WDPCP: variants seen among roughly 807,000 people sequenced by gnomAD.
WDPCP encodes the protein WD repeat-containing and planar cell polarity effector protein fritz homolog.
WDPCP carries 71 observed loss-of-function variants against 93.1 expected under a neutral mutation model. That is an observed-to-expected ratio of 0.76 (90% CI 0.63 to 0.93). The LOEUF (loss-of-function observed/expected upper bound fraction) is 0.93. Among genes scored for constraint, WDPCP ranks in the 40% least tolerant of loss-of-function variants. WDPCP has a pLI of 0.00. For synonymous variants in WDPCP, 315 were observed against 315.0 expected (o/e 1.00, Z 0.00); for missense variants, 844 against 887.4 (o/e 0.95, Z 0.62).
intron 3 of WDPCP, among the ~76,000 whole-genome samples, chr2:63,623,593 A>G (rs1709774299): frequency 6.6e-6 from 1 of 152,216 alleles, no homozygotes; most frequent in Non-Finnish European, 1.5e-5. Flanking sequence ...ACAAAGAAGA[A>G]CATTACATTA....
intron 3 of WDPCP, among the ~76,000 whole-genome samples, chr2:63,637,053 A>G (rs975289596): frequency 1.3e-5 from 2 of 152,158 alleles, no homozygotes; most frequent in Non-Finnish European, 2.9e-5. Context: ...CAGTAAAAGC[A>G]AAAACAAACA....
chr2:63,469,241 G>A (rs1417081535), intron 6 of WDPCP, among the ~76,000 whole-genome samples: 1 of 152,242 alleles, frequency 6.6e-6, no homozygotes, highest in Non-Finnish European at 1.5e-5. Context: ...CTTATACACT[G>A]TTGGTGGGGG....
chr2:63,597,462 G>A, intron 3 of WDPCP: 1 of 1,508,206 alleles, frequency 6.6e-7, no homozygotes, highest in Non-Finnish European at 8.9e-7. Flanking sequence ...ATTCTTGTGG[G>A]CTCCATGCCA....
At chr2:63,239,756 T>C (rs1025243288) in intron 14 of WDPCP, among the ~76,000 whole-genome samples, 1 of 152,150 alleles carries the variant, frequency 6.6e-6, no homozygotes, top group African/African-American at 2.4e-5. Flanking sequence ...TTGGGCACTT[T>C]AATGTTATGC....
intron 13 of WDPCP, among the ~76,000 whole-genome samples, chr2:63,313,028 A>C (rs1313232453): frequency 3.3e-5 from 5 of 152,150 alleles, no homozygotes; most frequent in Non-Finnish European, 5.9e-5. Context: ...GAAAACACAA[A>C]AGATCCATTG....
At chr2:63,545,082 G>C (rs1040875453) in intron 1 of WDPCP, among the ~76,000 whole-genome samples, 10 of 152,002 alleles carry the variant, frequency 6.6e-5, no homozygotes, top group African/African-American at 1.9e-4. Context: ...CCTTTCCAAA[G>C]ACTTTATGAT....
At chr2:63,576,483 G>C (rs746078154) in intron 1 of WDPCP, among the ~76,000 whole-genome samples, 1 of 152,358 alleles carries the variant, frequency 6.6e-6, no homozygotes, top group Non-Finnish European at 1.5e-5. Flanking sequence ...AAGGGGCACA[G>C]AGTGCCATGT....
intron 9 of WDPCP, among the ~76,000 whole-genome samples, chr2:63,424,360 A>G (rs1199069464): frequency 1.3e-5 from 2 of 152,074 alleles, no homozygotes; most frequent in Non-Finnish European, 2.9e-5. Context: ...CTATCCCCCA[A>G]CTGACCACTG....
intron 3 of WDPCP, among the ~76,000 whole-genome samples, chr2:63,626,782 T>C (rs1709815058): frequency 1.3e-5 from 2 of 151,968 alleles, no homozygotes; most frequent in Non-Finnish European, 2.9e-5. Context: ...TCCTCAAGGA[T>C]CTAGAACCAG....
chr2:63,809,470 G>A (rs1286627183), intron 2 of WDPCP, among the ~76,000 whole-genome samples: 1 of 152,228 alleles, frequency 6.6e-6, no homozygotes, highest in African/African-American at 2.4e-5. Context: ...GGAATACAAA[G>A]GGGGGAAAGG....
intron 3 of WDPCP, among the ~76,000 whole-genome samples, chr2:63,610,924 G>A (rs530275481): frequency 5.3e-5 from 8 of 152,052 alleles, no homozygotes; most frequent in East Asian, 1.9e-4. Context: ...GCAAGACCCC[G>A]TCTTACAAAA....
intron 1 of WDPCP, among the ~76,000 whole-genome samples, chr2:63,552,488 C>T (rs745641835): frequency 1.3e-5 from 2 of 152,128 alleles, no homozygotes; most frequent in Non-Finnish European, 2.9e-5. Flanking sequence ...TAGACACTGT[C>T]AGGAAGATTA....
At chr2:63,838,176 A>G in the WDPCP span, among the ~76,000 whole-genome samples, 2 of 152,198 alleles carry the variant, frequency 1.3e-5, no homozygotes, top group African/African-American at 4.8e-5. Flanking sequence ...GTCATTCAAT[A>G]TATACTTATG....
chr2:63,563,853 G>A (rs1706823444), intron 1 of WDPCP, among the ~76,000 whole-genome samples: 1 of 152,160 alleles, frequency 6.6e-6, no homozygotes, highest in Non-Finnish European at 1.5e-5. Context: ...CTCCAGAACT[G>A]TAAGAGATAA....
intron 1 of WDPCP, among the ~76,000 whole-genome samples, chr2:63,506,316 G>A (rs533121467): frequency 1.3e-5 from 2 of 152,002 alleles, no homozygotes; most frequent in South Asian, 2.1e-4. Flanking sequence ...CAGCAAGACC[G>A]GCTCCAAATA....
intron 14 of WDPCP, among the ~76,000 whole-genome samples, chr2:63,246,155 C>A (rs1680255218): frequency 6.6e-6 from 1 of 152,120 alleles, no homozygotes. Flanking sequence ...ATTAATACAG[C>A]AGGCCCACAT....
At chr2:63,589,282 C>T (rs942463968), upstream of WDPCP, 26 of 1,551,000 alleles carry the variant, frequency 1.7e-5, no homozygotes, top group Non-Finnish European at 2.2e-5. Context: ...AGTAGTTGTC[C>T]TGGGAGAGGA....
intron 1 of WDPCP, among the ~76,000 whole-genome samples, chr2:63,575,425 ACAGTG>A (rs1558832239): frequency 2.9e-5 from 3 of 103,154 alleles, no homozygotes; most frequent in African/African-American, 1.7e-4. Flanking sequence ...TACACTGTAT[ACAGTG>A]TATATACAGT....
chr2:63,545,571 G>A (rs572258665), intron 1 of WDPCP, among the ~76,000 whole-genome samples: 7 of 151,726 alleles, frequency 4.6e-5, no homozygotes, highest in South Asian at 4.2e-4. Context: ...TAATCTACCC[G>A]AACATTTTAT....
Sources: allele counts gnomAD v4.1 joint callset (sites outside exome capture counted in the v4.1 genomes callset), GRCh38; gene constraint gnomAD v4.1.1; transcripts MANE v1.5; gene names NCBI Gene and HGNC (gene_info 2026-07-23, HGNC 2026-07-21).